The following RRAGD variants were observed in gnomAD, a reference collection of about 807,000 sequenced individuals.
The protein encoded by RRAGD is ras-related GTP-binding protein D.
A neutral mutation model predicts 35.5 loss-of-function variants in RRAGD; 12 were observed. That is an observed-to-expected ratio of 0.34 (90% CI 0.22 to 0.55). RRAGD has a LOEUF of 0.55. Ranked by LOEUF, RRAGD falls within the 20% of genes least tolerant of loss-of-function variation. RRAGD has a pLI of 0.91. For synonymous variants in RRAGD, 155 were observed against 178.9 expected (o/e 0.87, Z 1.07); for missense variants, 324 against 490.1 (o/e 0.66, Z 3.20).
chr6:89,409,736 A>G (rs1769659173), intron 1 of RRAGD, among the ~76,000 whole-genome samples: 2 of 152,302 alleles, frequency 1.3e-5, no homozygotes, highest in African/African-American at 4.8e-5. Flanking sequence ...ATGTCCTGAC[A>G]AGGGATTCTG....
chr6:89,389,551 G>A (rs367591863), intron 1 of RRAGD, among the ~76,000 whole-genome samples: 9 of 118,478 alleles, frequency 7.6e-5, no homozygotes, highest in African/African-American at 2.8e-4. Context: ...GTGAGACTCC[G>A]TCTCAAAAAA....
At chr6:89,385,862 C>G (rs556287991) in intron 2 of RRAGD, among the ~76,000 whole-genome samples, 6 of 152,322 alleles carry the variant, frequency 3.9e-5, no homozygotes, top group African/African-American at 1.4e-4. Flanking sequence ...TATTATTAAA[C>G]AGGCACCTAG....
rs561504020 is a variant in RRAGD at position 89,368,122 on chromosome 6, C to T, written c.1137G>A (p.Lys379=). The stretch of plus-strand genomic sequence containing the variant: ...TTTTCTTCTGCAGCCGATTCTGAAC[C>T]TTTCGAGATTTTACTACTTTCATTC... ...EVRMKVVKSR[K]VQNRLQKKKR... is the part of the protein sequence containing the mutation. The change falls in exon 7 of 7, where the codon AAG becomes AAA. Residue 379 remains lysine, a synonymous_variant. Coordinates refer to ENST00000369415, the MANE Select transcript of RRAGD (RefSeq NM_021244.5). 1 of 1,614,010 alleles carries T rather than the reference C, an allele frequency of 6.2e-7. No homozygotes were observed. The highest frequency in any genetic ancestry group is 1.1e-5 in the South Asian group (1 of 91,062).
At position 89,372,341 on chromosome 6, in the gene RRAGD, G is replaced by A. The variant is rs1562443249; in HGVS notation, c.1051+96C>T. ...TGACTGGCATCTGGAAGTTTCGAGG[G>A]CTATGCTGTTGTCCACCCACATTCA... On this transcript the variant is annotated intron_variant, in intron 6 of 6. Coordinates refer to ENST00000369415, the MANE Select transcript of RRAGD (RefSeq NM_021244.5). 2.3e-6 allele frequency: 3 copies of A among 1,324,928 alleles called. No homozygotes were observed. The South Asian group carries it at 4.2e-5, about 19-fold the overall frequency. 82.1% of individuals were successfully genotyped at this position (1,324,928 alleles called of 1,614,324 possible).
intron 1 of RRAGD, among the ~76,000 whole-genome samples, chr6:89,391,293 A>G (rs2325204): frequency 0.68 from 103,209 of 151,728 alleles, 36,405 homozygotes; most frequent in African/African-American, 0.88. Flanking sequence ...ACCAAGGTGG[A>G]AGGATCCCTT....
chr6:89,411,683 G>T lies in RRAGD; in HGVS notation c.148+163C>A, dbSNP rs1769697050. Among the ~76,000 whole-genome samples the T allele has an allele frequency of 6.6e-6, 1 of 152,140 alleles. No individual in the cohort carries two copies. The highest frequency in any genetic ancestry group is 6.5e-5 in the Admixed American group (1 of 15,284). On this transcript the variant is annotated intron_variant, in intron 1 of 6. Transcript: ENST00000369415. This position sits in a 1 kb window ranked among gnomAD's most constrained non-coding sequence, Gnocchi z 5.6. ...ACCGCGCTCCCTCATTTGGCAGCTC[G>T]AGGTCGGGCTTTTGGCGTCCCTCCC...
At chr6:89,386,803 C>G (rs549147236) in intron 2 of RRAGD, among the ~76,000 whole-genome samples, 6 of 152,154 alleles carry the variant, frequency 3.9e-5, no homozygotes, top group African/African-American at 1.4e-4. Flanking sequence ...GGATATTTAT[C>G]TCAAATTTTA....
At chr6:89,390,982 C>T (rs561682972) in intron 1 of RRAGD, among the ~76,000 whole-genome samples, 1 of 152,134 alleles carries the variant, frequency 6.6e-6, no homozygotes, top group East Asian at 1.9e-4. Flanking sequence ...ATCATATATC[C>T]AGGCAAAAAC....
At chr6:89,408,225 A>AT (rs140148529) in intron 1 of RRAGD, among the ~76,000 whole-genome samples, 2,082 of 152,232 alleles carry the variant, frequency 0.014, 55 homozygotes, top group African/African-American at 0.048. Flanking sequence ...TACTTCGCTC[A>AT]TTTCTAGCTC....
Position 89,391,196 on chromosome 6 carries a change from G to A in RRAGD, c.149-3606C>T, listed in dbSNP as rs773293023. ...GGCCAGGAGTTCAAGATCAGCCTGG[G>A]CAACATAGTAAGACCCCATCTCTAC... On this transcript the variant is annotated intron_variant, in intron 1 of 6. Coordinates refer to ENST00000369415, the MANE Select transcript of RRAGD (RefSeq NM_021244.5). Among the ~76,000 whole-genome samples the A allele has an allele frequency of 5.3e-4, 81 of 152,154 alleles. 1 individual carries two copies. The highest frequency in any genetic ancestry group is 9.7e-4 in the Non-Finnish European group (66 of 68,010).
chr6:89,394,566 A>G (rs1213068651), intron 1 of RRAGD, among the ~76,000 whole-genome samples: 1 of 152,234 alleles, frequency 6.6e-6, no homozygotes, highest in Non-Finnish European at 1.5e-5. Context: ...CCTTTGAAAT[A>G]ATTACTCAAG....
At chr6:89,399,914 A>AAG (rs1439463024) in intron 1 of RRAGD, among the ~76,000 whole-genome samples, 1 of 151,866 alleles carries the variant, frequency 6.6e-6, no homozygotes, top group East Asian at 1.9e-4. Context: ...TGGGTGGGAC[A>AAG]TTTCTACAAA....
chr6:89,411,722 C>T lies in RRAGD; in HGVS notation c.148+124G>A. 1 of 1,117,160 alleles carries T rather than the reference C, an allele frequency of 9.0e-7. No homozygotes were observed. Among genetic ancestry groups the T allele is most frequent in the Non-Finnish European group, 1.2e-6 (1 of 804,794 alleles). The allele number at this position is 1,117,160 out of a possible 1,614,324, so 69.2% of individuals were successfully genotyped here. A position where few individuals can be genotyped will look rare whatever the true frequency, so the allele number is the denominator to read the frequency against. On this transcript the variant is annotated intron_variant, in intron 1 of 6. Transcript: ENST00000369415. The surrounding 1 kb of genome is among the most constrained non-coding windows in gnomAD (Gnocchi z 5.6). The stretch of plus-strand genomic sequence containing the variant: ...GGCGTCCCTCCCCACCCCAAACCCT[C>T]AACTGGACCCGCTCCCCTGGACCCC...
At chr6:89,378,425 T>C (rs534532276) in intron 4 of RRAGD, among the ~76,000 whole-genome samples, 62 of 152,356 alleles carry the variant, frequency 4.1e-4, no homozygotes, top group African/African-American at 1.4e-3. Flanking sequence ...AAAAATACTT[T>C]TACTGACTGT....
intron 3 of RRAGD, among the ~76,000 whole-genome samples, chr6:89,379,706 CA>C (rs1769010324): frequency 6.6e-6 from 1 of 152,196 alleles, no homozygotes; most frequent in Admixed American, 6.5e-5. Context: ...GATATTGAAG[CA>C]ACTATTTTTT....
chr6:89,387,195 T>C, intron 2 of RRAGD, 100 bp downstream of exon 2: 1 of 1,194,478 alleles, frequency 8.4e-7, no homozygotes, highest in Non-Finnish European at 1.2e-6. Flanking sequence ...ACTTGTTTGG[T>C]AGAAAGGCCT....
At chr6:89,401,307 G>C (rs1769455959) in intron 1 of RRAGD, among the ~76,000 whole-genome samples, 1 of 151,542 alleles carries the variant, frequency 6.6e-6, no homozygotes, top group African/African-American at 2.4e-5. Context: ...GCCCAGGCTA[G>C]AGTGCTGTGG....
chr6:89,407,371 C>T (rs1769601709), intron 1 of RRAGD, among the ~76,000 whole-genome samples: 1 of 152,212 alleles, frequency 6.6e-6, no homozygotes, highest in Non-Finnish European at 1.5e-5. Context: ...GGCGCGGTGG[C>T]TCATGCCTGT....
intron 1 of RRAGD, among the ~76,000 whole-genome samples, chr6:89,407,736 A>G (rs1309946843): frequency 1.3e-5 from 2 of 152,146 alleles, no homozygotes; most frequent in Non-Finnish European, 2.9e-5. Context: ...GGGCTGGGGG[A>G]GGATTGAATA....
Sources: gnomAD v4.1 joint callset for allele counts (sites outside exome capture counted in the v4.1 genomes callset) on GRCh38, gnomAD v4.1.1 for gene constraint, Gnocchi (gnomAD v3.1) non-coding constraint, MANE v1.5 for transcripts, NCBI Gene and HGNC (gene_info 2026-07-23, HGNC 2026-07-21) for gene names.